ACSL4: variants seen among roughly 807,000 people sequenced by gnomAD.
ACSL4 encodes acyl-CoA synthetase long chain family member 4.
Under a neutral mutation model 49.1 loss-of-function variants are expected in ACSL4, and 9 were observed. That is an observed-to-expected ratio of 0.18 (90% confidence interval 0.11 to 0.32). The LOEUF (loss-of-function observed/expected upper bound fraction) is 0.32, where lower values mean the gene tolerates loss of function less well. ACSL4 is among the 10% of genes least tolerant of loss of function. ACSL4 has a pLI of 1.00. For synonymous variants in ACSL4, 191 were observed against 170.3 expected (o/e 1.12, Z -0.95); for missense variants, 333 against 493.7 (o/e 0.67, Z 3.08).
At chrX:109,671,907 T>C (rs1174459268) in intron 9 of ACSL4, among the ~76,000 whole-genome samples, 36 of 102,581 alleles carry the variant, frequency 3.5e-4, no homozygotes, top group Admixed American at 6.3e-4. Context: ...CACCACTCCC[T>C]AATCTCAAGT....
chrX:109,713,032 AAGGG>A (rs901998438), intron 1 of ACSL4, among the ~76,000 whole-genome samples: 2 of 104,403 alleles, frequency 1.9e-5, no homozygotes, highest in African/African-American at 7.0e-5. Flanking sequence ...GAAGGGAAGA[AAGGG>A]AGAGAGGAAG....
At chrX:109,702,108 G>A (rs1460951652) in intron 1 of ACSL4, among the ~76,000 whole-genome samples, 2 of 108,411 alleles carry the variant, frequency 1.8e-5, no homozygotes, top group Non-Finnish European at 3.8e-5. Context: ...CCAGCTACTC[G>A]GGAGGCTGAA....
At position 109,711,630 on chromosome X, in the gene ACSL4, T is replaced by A. The variant is rs192174587; in HGVS notation, c.-65-15434A>T. ...AGCTTAATCTCTCATCTCTGCTTGCTTCTAGCACATGCTTTTCCCTTTGCC... is the reference window on the plus strand; with the variant it reads ...AGCTTAATCTCTCATCTCTGCTTGCATCTAGCACATGCTTTTCCCTTTGCC... On this transcript the variant is annotated intron_variant, in intron 1 of 15. Coordinates refer to ENST00000672401, the MANE Select transcript of ACSL4 (RefSeq NM_001318510.2). 1.3e-3 allele frequency among the ~76,000 whole-genome samples: 144 copies of A among 112,337 alleles called. 1 individual carries two copies. The highest frequency in any genetic ancestry group is 4.5e-3 in the African/African-American group (138 of 30,916).
chrX:109,670,796 TC>T (rs1923127871), intron 9 of ACSL4, among the ~76,000 whole-genome samples: 1 of 111,957 alleles, frequency 8.9e-6, no homozygotes, highest in Non-Finnish European at 1.9e-5. Context: ...TGACTGGTTT[TC>T]GTATTTTTTG....
chrX:109,695,213 C>T lies in ACSL4; in HGVS notation c.-13+931G>A, dbSNP rs777756943. Among the ~76,000 whole-genome samples the T allele has an allele frequency of 3.7e-5, 4 of 108,790 alleles. No individual in the cohort carries two copies. The East Asian group carries it at 1.2e-3, about 32-fold the overall frequency. The allele number at this position is 108,790 out of a possible 115,157, so 94.5% of individuals were successfully genotyped here. On this transcript the variant is annotated intron_variant, in intron 2 of 15. Coordinates refer to ENST00000672401, the MANE Select transcript of ACSL4 (RefSeq NM_001318510.2). ...TACAAAAGTTAGCCAGGCGCCATGG[C>T]GGGCACCTATAATCCCAGCTATTCA...
At chrX:109,700,449 A>G (rs1296900819) in intron 1 of ACSL4, among the ~76,000 whole-genome samples, 1 of 107,538 alleles carries the variant, frequency 9.3e-6, no homozygotes, top group Non-Finnish European at 1.9e-5. Flanking sequence ...AGACATGAGA[A>G]TTACTTGAAA....
chrX:109,660,260 A>C (rs1183983351), intron 14 of ACSL4, among the ~76,000 whole-genome samples: 3 of 111,967 alleles, frequency 2.7e-5, no homozygotes, highest in African/African-American at 9.7e-5. Context: ...AAATAGCTCA[A>C]TTAAATAATG....
At chrX:109,709,758 G>A (rs1926618437) in intron 1 of ACSL4, among the ~76,000 whole-genome samples, 1 of 112,737 alleles carries the variant, frequency 8.9e-6, no homozygotes, top group Admixed American at 9.4e-5. Flanking sequence ...AAACTGGGTT[G>A]AGCCAGTACT....
chrX:109,732,925 C>A (rs1928585682), intron 1 of ACSL4: 1 of 301,896 alleles, frequency 3.3e-6, no homozygotes, highest in Admixed American at 3.4e-5. Flanking sequence ...GGAGCAGATA[C>A]AGTGACCTCG....
intron 2 of ACSL4, among the ~76,000 whole-genome samples, chrX:109,694,458 G>T (rs1418763538): frequency 9.0e-6 from 1 of 111,073 alleles, no homozygotes; most frequent in African/African-American, 3.3e-5. Context: ...TGAGAAAGTT[G>T]GGTTCATATT....
intron 15 of ACSL4, among the ~76,000 whole-genome samples, chrX:109,647,086 A>C (rs1416038612): frequency 1.8e-5 from 2 of 111,058 alleles, no homozygotes; most frequent in African/African-American, 6.6e-5. Context: ...AGACTTTAAC[A>C]CCCCACTGTC....
chrX:109,699,548 G>T (rs1353171786), intron 1 of ACSL4, among the ~76,000 whole-genome samples: 5 of 111,491 alleles, frequency 4.5e-5, no homozygotes, highest in Admixed American at 1.9e-4. Context: ...TCAATGTTTA[G>T]AAATGTTGTT....
rs1249857055 is a variant in ACSL4 at position 109,643,124 on chromosome X, A to T, written c.*905T>A. 1 of 111,882 alleles carries T rather than the reference A, an allele frequency of 8.9e-6. No homozygotes were observed. The highest frequency in any genetic ancestry group is 3.2e-5 in the African/African-American group (1 of 30,771). 9.2% of individuals were successfully genotyped at this position (111,882 alleles called of 1,213,427 possible). A position where few individuals can be genotyped will look rare whatever the true frequency, so the allele number is the denominator to read the frequency against. ...AATTCAGAGTTTAAATCTCTTTCCC[A>T]GGTTCAGTGCTGTGCAAGGGTTCTA... On this transcript the variant is annotated 3_prime_UTR_variant, in exon 16 of 16. Transcript: ENST00000672401.
intron 11 of ACSL4, among the ~76,000 whole-genome samples, chrX:109,667,476 T>G (rs372099010): frequency 8.9e-6 from 1 of 112,598 alleles, no homozygotes; most frequent in East Asian, 2.8e-4. Flanking sequence ...AACACAGATT[T>G]AAGAGGGAGC....
At chrX:109,698,204 T>A (rs751168882) in intron 1 of ACSL4, among the ~76,000 whole-genome samples, 1 of 110,944 alleles carries the variant, frequency 9.0e-6, no homozygotes, top group Non-Finnish European at 1.9e-5. Context: ...ATTTCTTTCA[T>A]CACAAAAAAA....
At chrX:109,732,602 A>G (rs917817209) in intron 1 of ACSL4, among the ~76,000 whole-genome samples, 1 of 111,999 alleles carries the variant, frequency 8.9e-6, no homozygotes. Flanking sequence ...TACGGAAGCT[A>G]GGAAGATATC....
chrX:109,691,175 T>C (rs1215231871), intron 2 of ACSL4, among the ~76,000 whole-genome samples: 1 of 112,279 alleles, frequency 8.9e-6, no homozygotes, highest in Non-Finnish European at 1.9e-5. Context: ...AACTTTGTCC[T>C]TGACATAAGA....
chrX:109,683,625 G>C (rs781314021), intron 2 of ACSL4: 3 of 477,968 alleles, frequency 6.3e-6, no homozygotes, highest in Non-Finnish European at 7.1e-6. Flanking sequence ...TAGTGATACA[G>C]ATAAAAGTTA....
chrX:109,676,124 C>T (rs749844294), intron 8 of ACSL4, among the ~76,000 whole-genome samples: 17 of 110,717 alleles, frequency 1.5e-4, no homozygotes, highest in Non-Finnish European at 2.8e-4. Flanking sequence ...GGGACATTCA[C>T]GGGTGCTGAA....
Sources: allele counts gnomAD v4.1 joint callset (sites outside exome capture counted in the v4.1 genomes callset), GRCh38; gene constraint gnomAD v4.1.1; transcripts MANE v1.5; gene names NCBI Gene and HGNC (gene_info 2026-07-23, HGNC 2026-07-21).